The following VAT1L variants were observed in gnomAD, a reference collection of about 807,000 sequenced individuals.
The protein encoded by VAT1L is putative NADPH-dependent quinone oxidoreductase VAT1L.
Under a neutral mutation model 44.1 loss-of-function variants are expected in VAT1L, and 34 were observed. The observed-to-expected ratio is 0.77, with a 90% CI of 0.59 to 1.03. The LOEUF (loss-of-function observed/expected upper bound fraction) is 1.03, where lower values mean the gene tolerates loss of function less well. VAT1L is among the 50% of genes least tolerant of loss of function. The probability of loss-of-function intolerance (pLI) is 0.00; values close to 1 mark genes in which losing one functional copy is unlikely to be tolerated. For synonymous variants in VAT1L, 253 were observed against 202.2 expected, an observed-to-expected ratio of 1.25 and a Z score of -2.13; for missense variants, 615 against 538.8, an observed-to-expected ratio of 1.14 and a Z score of -1.40.
intron 3 of VAT1L, among the ~76,000 whole-genome samples, chr16:77,832,876 G>A (rs1227654620): frequency 6.6e-6 from 1 of 152,186 alleles, no homozygotes; most frequent in Admixed American, 6.5e-5. Context: ...CATGGAGCAA[G>A]TGACGATCTT....
rs56055464 is a variant in VAT1L at position 77,945,278 on chromosome 16, C to CTT, written c.1078-26557_1078-26556dup. On this transcript the variant is annotated intron_variant, in intron 7 of 8. Coordinates refer to ENST00000302536, the MANE Select transcript of VAT1L (RefSeq NM_020927.3). ...GAATGGCCAATTCCAGATTGCAGAA[C>CTT]TTTTTTTTTTTTTTTTGAGAGAGAG... Among the ~76,000 whole-genome samples, 171 of 83,060 alleles carry CTT rather than the reference C, an allele frequency of 2.1e-3. 9 individuals carry two copies. Among genetic ancestry groups the CTT allele is most frequent in the Middle Eastern group, 0.016 (1 of 64 alleles). 54.5% of individuals were successfully genotyped at this position (83,060 alleles called of 152,430 possible).
intron 7 of VAT1L, among the ~76,000 whole-genome samples, chr16:77,931,996 T>C (rs575971001): frequency 6.6e-6 from 1 of 152,348 alleles, no homozygotes; most frequent in South Asian, 2.1e-4. Context: ...TGCCTTGGAT[T>C]TTCATTCATT....
chr16:77,919,287 A>T (rs190097402), intron 7 of VAT1L, among the ~76,000 whole-genome samples: 64 of 152,216 alleles, frequency 4.2e-4, no homozygotes, highest in Non-Finnish European at 8.8e-5. Context: ...CCTTTCATTG[A>T]CAGGTGTTGT....
In VAT1L at chr16:77,799,605, A is replaced by G. The variant is rs541990529; in HGVS notation, c.233+10690A>G. ...AGGGTAAATACTCCAAAAGGAATGG[A>G]GAGCAATTACCAGAAAGAGGGGGAT... On this transcript the variant is annotated intron_variant, in intron 1 of 8. Transcript: ENST00000302536. Among the ~76,000 whole-genome samples, 12 of 151,810 alleles carry G rather than the reference A, an allele frequency of 7.9e-5. No homozygotes were observed. In the South Asian group the frequency reaches 1.5e-3, roughly 18 times the overall value.
intron 3 of VAT1L, among the ~76,000 whole-genome samples, chr16:77,848,223 A>T (rs2016775647): frequency 6.6e-6 from 1 of 152,180 alleles, no homozygotes; most frequent in Non-Finnish European, 1.5e-5. Context: ...CTCAAAATAG[A>T]ACGGGCTGAC....
chr16:77,928,442 T>C (rs1215868650), intron 7 of VAT1L, among the ~76,000 whole-genome samples: 2 of 152,204 alleles, frequency 1.3e-5, no homozygotes, highest in African/African-American at 4.8e-5. Context: ...CACTCATCTT[T>C]TAAAAGATCA....
chr16:77,817,547 A>T (rs1385342376), intron 2 of VAT1L, among the ~76,000 whole-genome samples: 6 of 152,198 alleles, frequency 3.9e-5, no homozygotes, highest in African/African-American at 1.4e-4. Flanking sequence ...AGCATTTTGG[A>T]TGAAGAAGAT....
At chr16:77,919,138 ATG>A (rs908445485) in intron 7 of VAT1L, among the ~76,000 whole-genome samples, 2 of 151,750 alleles carry the variant, frequency 1.3e-5, no homozygotes, top group African/African-American at 4.9e-5. Context: ...GTGTGTGTGC[ATG>A]TGTGTGCATG....
chr16:77,967,366 G>A (rs140800020), intron 7 of VAT1L, among the ~76,000 whole-genome samples: 2 of 152,192 alleles, frequency 1.3e-5, no homozygotes, highest in Non-Finnish European at 2.9e-5. Context: ...AAGAGGCTTG[G>A]TGTGTGTGGA....
At chr16:77,829,831 T>C (rs1297934333) in intron 3 of VAT1L, among the ~76,000 whole-genome samples, 2 of 152,338 alleles carry the variant, frequency 1.3e-5, no homozygotes, top group African/African-American at 4.8e-5. Flanking sequence ...TGCATTTGTG[T>C]CTGATATCTG....
chr16:77,927,059 C>T (rs1318613379), intron 7 of VAT1L, among the ~76,000 whole-genome samples: 3 of 152,126 alleles, frequency 2.0e-5, no homozygotes, highest in South Asian at 2.1e-4. Context: ...ACTGTTATGG[C>T]CCGGCGCGGT....
chr16:77,954,112 A>G (rs1172622333), intron 7 of VAT1L, among the ~76,000 whole-genome samples: 1 of 152,178 alleles, frequency 6.6e-6, no homozygotes. Context: ...CATGGAGACA[A>G]TGAATAGGTA....
At chr16:77,903,214 T>C (rs746731472) in intron 7 of VAT1L, among the ~76,000 whole-genome samples, 2 of 152,112 alleles carry the variant, frequency 1.3e-5, no homozygotes, top group African/African-American at 2.4e-5. Flanking sequence ...ACCTGTAAAT[T>C]TGGGAGGAAT....
At chr16:77,860,037 CAG>C (rs1185673661) in intron 3 of VAT1L, among the ~76,000 whole-genome samples, 1 of 152,088 alleles carries the variant, frequency 6.6e-6, no homozygotes, top group Non-Finnish European at 1.5e-5. Context: ...AATTCGGACA[CAG>C]AGTGTCATAG....
intron 2 of VAT1L, among the ~76,000 whole-genome samples, chr16:77,824,305 C>G (rs2016493267): frequency 6.6e-6 from 1 of 152,178 alleles, no homozygotes; most frequent in Admixed American, 6.5e-5. Context: ...ACCAACTTAG[C>G]TGGTTCTGGA....
intron 1 of VAT1L, among the ~76,000 whole-genome samples, chr16:77,793,481 T>C (rs1297430822): frequency 6.6e-6 from 1 of 152,170 alleles, no homozygotes; most frequent in Non-Finnish European, 1.5e-5. Context: ...GAACTGTGCC[T>C]TTGCTGCTAT....
chr16:77,809,896 G>C (rs1021968789), intron 1 of VAT1L, among the ~76,000 whole-genome samples: 2 of 152,306 alleles, frequency 1.3e-5, no homozygotes, highest in Admixed American at 6.5e-5. Context: ...CCAGGAACGG[G>C]GCAGCCTGTC....
At chr16:77,908,141 A>G (rs2017457634) in intron 7 of VAT1L, among the ~76,000 whole-genome samples, 1 of 151,718 alleles carries the variant, frequency 6.6e-6, no homozygotes, top group Non-Finnish European at 1.5e-5. Flanking sequence ...CGGGAGGGTG[A>G]GGCAGGAGAA....
intron 7 of VAT1L, among the ~76,000 whole-genome samples, chr16:77,965,457 T>C (rs2018213119): frequency 6.6e-6 from 1 of 152,186 alleles, no homozygotes; most frequent in African/African-American, 2.4e-5. Context: ...AGATGTCCTT[T>C]GAGCTTAGAA....
Sources: gnomAD v4.1 joint callset for allele counts (sites outside exome capture counted in the v4.1 genomes callset) on GRCh38, gnomAD v4.1.1 for gene constraint, MANE v1.5 for transcripts, NCBI Gene and HGNC (gene_info 2026-07-23, HGNC 2026-07-21) for gene names.